The following NRG3 variants were observed in gnomAD, a reference collection of about 807,000 sequenced individuals.
The protein encoded by NRG3 is pro-neuregulin-3, membrane-bound isoform.
A neutral mutation model predicts 66.9 loss-of-function variants in NRG3; 31 were observed. The ratio of observed to expected loss-of-function variants is 0.46; its 90% CI spans 0.35 to 0.63. NRG3 has a LOEUF of 0.63. Ranked by LOEUF, NRG3 falls within the 20% of genes least tolerant of loss-of-function variation. The pLI, the probability that NRG3 is intolerant of heterozygous loss-of-function variation, is 0.00. For synonymous variants in NRG3, 393 were observed against 359.4 expected, an observed-to-expected ratio of 1.09 and a Z score of -1.06; for missense variants, 910 against 878.9, an observed-to-expected ratio of 1.04 and a Z score of -0.45.
chr10:82,229,808 C>G (rs1206483077), intron 1 of NRG3, among the ~76,000 whole-genome samples: 9 of 151,808 alleles, frequency 5.9e-5, no homozygotes, highest in African/African-American at 1.9e-4. Flanking sequence ...CACAGGCAAA[C>G]CATATTAAGT....
At chr10:82,790,144 A>T (rs966283362) in intron 3 of NRG3, among the ~76,000 whole-genome samples, 2 of 151,978 alleles carry the variant, frequency 1.3e-5, no homozygotes, top group African/African-American at 4.8e-5. Flanking sequence ...TACAAACTGT[A>T]TTGTCTCTAA....
At chr10:82,898,227 C>A (rs1178887514) in intron 4 of NRG3, among the ~76,000 whole-genome samples, 1 of 152,202 alleles carries the variant, frequency 6.6e-6, no homozygotes, top group African/African-American at 2.4e-5. Context: ...AGTGGTCAGC[C>A]ACTTATTAAT....
At chr10:81,975,495 A>G (rs1162553086) in intron 1 of NRG3, among the ~76,000 whole-genome samples, 1 of 152,092 alleles carries the variant, frequency 6.6e-6, no homozygotes, top group Non-Finnish European at 1.5e-5. Context: ...ATCACTTGGG[A>G]AGTGATTCCT....
At chr10:82,970,861 A>T (rs1159688212) in intron 6 of NRG3, among the ~76,000 whole-genome samples, 2 of 152,210 alleles carry the variant, frequency 1.3e-5, no homozygotes, top group African/African-American at 2.4e-5. Flanking sequence ...TTATCCAAAG[A>T]GTTCATTCAT....
intron 1 of NRG3, among the ~76,000 whole-genome samples, chr10:81,970,126 T>C (rs1244829164): frequency 1.3e-5 from 2 of 152,226 alleles, no homozygotes; most frequent in East Asian, 1.9e-4. Context: ...GGAAGATACT[T>C]TAAAAGTAAC....
intron 6 of NRG3, among the ~76,000 whole-genome samples, chr10:82,959,981 A>G (rs1354478613): frequency 6.6e-6 from 1 of 152,244 alleles, no homozygotes; most frequent in Admixed American, 6.5e-5. Flanking sequence ...GCATAAAACA[A>G]AAGAACAAAG....
chr10:81,909,648 T>G (rs1191049713), intron 1 of NRG3, among the ~76,000 whole-genome samples: 1 of 152,186 alleles, frequency 6.6e-6, no homozygotes, highest in Admixed American at 6.5e-5. Flanking sequence ...TGATGATGTC[T>G]TAAGGGCTCT....
At position 82,092,599 on chromosome 10, in the gene NRG3, C is replaced by A. The variant is rs1024159803; in HGVS notation, c.823+216436C>A. Reference sequence around the variant, plus strand: ...TAATTAGGTCTGTTGGGAGATCATTCTACATGGGTCTCTTGTATTTCTGTT... The same window carrying A: ...TAATTAGGTCTGTTGGGAGATCATTATACATGGGTCTCTTGTATTTCTGTT... On this transcript the variant is annotated intron_variant, in intron 1 of 8. Transcript: ENST00000372141. Among the ~76,000 whole-genome samples the A allele has an allele frequency of 5.9e-5, 9 of 152,104 alleles. No individual in the cohort carries two copies. The East Asian group carries it at 1.7e-3, about 29-fold the overall frequency.
chr10:82,796,338 C>T (rs895531278), intron 3 of NRG3, among the ~76,000 whole-genome samples: 1 of 152,156 alleles, frequency 6.6e-6, no homozygotes, highest in Non-Finnish European at 1.5e-5. Context: ...TGTCAATCAG[C>T]TCCTATTGGA....
At chr10:82,936,429 T>C (rs952541949) in intron 4 of NRG3, among the ~76,000 whole-genome samples, 1 of 152,074 alleles carries the variant, frequency 6.6e-6, no homozygotes. Context: ...AATAGAATGA[T>C]GGTTATGAGA....
intron 1 of NRG3, among the ~76,000 whole-genome samples, chr10:81,948,019 G>T (rs962174830): frequency 3.9e-5 from 6 of 152,136 alleles, no homozygotes; most frequent in Non-Finnish European, 7.3e-5. Flanking sequence ...CATGGTAAGT[G>T]CTCCTTGTCT....
At chr10:82,333,157 A>G (rs1038535968) in intron 1 of NRG3, among the ~76,000 whole-genome samples, 5 of 152,182 alleles carry the variant, frequency 3.3e-5, no homozygotes, top group African/African-American at 7.2e-5. Flanking sequence ...TTTTTATTCT[A>G]TATTCGTTTA....
At chr10:82,728,724 G>A (rs535428508) in intron 2 of NRG3, among the ~76,000 whole-genome samples, 13 of 152,250 alleles carry the variant, frequency 8.5e-5, no homozygotes, top group African/African-American at 2.9e-4. Flanking sequence ...TCCCTTAAAC[G>A]TCAAATTCTA....
At chr10:82,809,171 A>G (rs2061399658) in intron 3 of NRG3, among the ~76,000 whole-genome samples, 1 of 152,156 alleles carries the variant, frequency 6.6e-6, no homozygotes, top group Non-Finnish European at 1.5e-5. Context: ...TATCCAATAT[A>G]TATTTAGTAC....
At chr10:82,196,281 C>T (rs2074442889) in intron 1 of NRG3, among the ~76,000 whole-genome samples, 1 of 152,312 alleles carries the variant, frequency 6.6e-6, no homozygotes, top group Non-Finnish European at 1.5e-5. Context: ...ACTTCAGTTT[C>T]CTCAGCCTGA....
chr10:82,307,633 A>G (rs1332925644), intron 1 of NRG3, among the ~76,000 whole-genome samples: 1 of 152,154 alleles, frequency 6.6e-6, no homozygotes, highest in East Asian at 1.9e-4. Context: ...AAACATTTTC[A>G]ATTTTGAGTC....
intron 2 of NRG3, among the ~76,000 whole-genome samples, chr10:82,689,898 G>T (rs182235277): frequency 1.3e-5 from 2 of 152,168 alleles, no homozygotes; most frequent in East Asian, 3.9e-4. Context: ...ATTCTTGCTT[G>T]GGGAAATCTT....
chr10:82,724,982 T>A (rs573240633), intron 2 of NRG3, among the ~76,000 whole-genome samples: 1 of 152,258 alleles, frequency 6.6e-6, no homozygotes, highest in East Asian at 1.9e-4. Context: ...GATAACACAC[T>A]CTCTCCTTCT....
chr10:82,816,042 C>T (rs143226800), intron 3 of NRG3, among the ~76,000 whole-genome samples: 248 of 152,286 alleles, frequency 1.6e-3, no homozygotes, highest in African/African-American at 4.6e-3. Context: ...ATGGTGTTGC[C>T]CAGAAGCTTG....
Sources: gnomAD v4.1 joint callset for allele counts (sites outside exome capture counted in the v4.1 genomes callset) on GRCh38, gnomAD v4.1.1 for gene constraint, MANE v1.5 for transcripts, NCBI Gene and HGNC (gene_info 2026-07-23, HGNC 2026-07-21) for gene names.